The following GRIK1 variants were observed in gnomAD, a reference collection of about 807,000 sequenced individuals.
GRIK1 encodes glutamate ionotropic receptor kainate type subunit 1.
GRIK1 carries 69 observed loss-of-function variants against 105.7 expected under a neutral mutation model. That is an observed-to-expected ratio of 0.65 (90% CI 0.54 to 0.80). The LOEUF is 0.80. Ranked by LOEUF, GRIK1 falls within the 30% of genes least tolerant of loss-of-function variation. The pLI, the probability that GRIK1 is intolerant of heterozygous loss-of-function variation, is 0.00. For synonymous variants in GRIK1, 438 were observed against 431.3 expected (o/e 1.02, Z -0.19); for missense variants, 1,109 against 1,167.3 (o/e 0.95, Z 0.73).
intron 1 of GRIK1, among the ~76,000 whole-genome samples, chr21:29,757,861 A>AC (rs1873431694): frequency 6.6e-6 from 1 of 152,268 alleles, no homozygotes; most frequent in Non-Finnish European, 1.5e-5. Flanking sequence ...GTGTGTCCAG[A>AC]CATTTCCATA....
At chr21:29,895,331 G>T (rs185134954) in intron 1 of GRIK1, among the ~76,000 whole-genome samples, 1 of 152,286 alleles carries the variant, frequency 6.6e-6, no homozygotes, top group Admixed American at 6.5e-5. Context: ...TGTCTAGGAG[G>T]CATGTGGATA....
intron 14 of GRIK1, among the ~76,000 whole-genome samples, chr21:29,572,645 T>G (rs185970093): frequency 2.0e-5 from 3 of 152,260 alleles, no homozygotes; most frequent in African/African-American, 7.2e-5. Flanking sequence ...ACTCTCTGAA[T>G]TTTGCTGAAT....
At chr21:29,835,306 T>C (rs1170911222) in intron 1 of GRIK1, among the ~76,000 whole-genome samples, 2 of 152,190 alleles carry the variant, frequency 1.3e-5, no homozygotes, top group African/African-American at 4.8e-5. Context: ...CTAGATCCTC[T>C]GCCTGGGGCA....
At chr21:29,894,162 T>C (rs972570671) in intron 1 of GRIK1, among the ~76,000 whole-genome samples, 9 of 152,054 alleles carry the variant, frequency 5.9e-5, no homozygotes, top group African/African-American at 1.9e-4. Flanking sequence ...ATTGGATATA[T>C]GTATATATGA....
At chr21:29,659,769 T>A (rs1204312486) in intron 4 of GRIK1, among the ~76,000 whole-genome samples, 1 of 152,144 alleles carries the variant, frequency 6.6e-6, no homozygotes, top group Non-Finnish European at 1.5e-5. Context: ...AAGATCAGCC[T>A]GACCAACAAG....
intron 1 of GRIK1, among the ~76,000 whole-genome samples, chr21:29,780,237 T>C (rs974281480): frequency 2.0e-5 from 3 of 152,192 alleles, no homozygotes; most frequent in African/African-American, 7.2e-5. Context: ...TGGGGACTAT[T>C]ATTTTGAACC....
chr21:29,898,110 G>T (rs2070241786), intron 1 of GRIK1, among the ~76,000 whole-genome samples: 1 of 152,068 alleles, frequency 6.6e-6, no homozygotes, highest in Non-Finnish European at 1.5e-5. Context: ...ATCTGTTCTT[G>T]GGTGAATATC....
chr21:29,847,899 T>TC (rs1491325071), intron 1 of GRIK1, among the ~76,000 whole-genome samples: 1,906 of 146,280 alleles, frequency 0.013, 40 homozygotes, highest in African/African-American at 0.04. Context: ...TGTTTCTCTC[T>TC]TTCTCTCTCT....
At chr21:29,616,324 T>A (rs2061850696) in intron 7 of GRIK1, among the ~76,000 whole-genome samples, 3 of 152,304 alleles carry the variant, frequency 2.0e-5, no homozygotes, top group Middle Eastern at 6.8e-3. Context: ...TTAAAAAAAA[T>A]AGTAATGTAC....
chr21:29,899,161 A>G (rs2070293317), intron 1 of GRIK1, among the ~76,000 whole-genome samples: 1 of 152,242 alleles, frequency 6.6e-6, no homozygotes, highest in Non-Finnish European at 1.5e-5. Flanking sequence ...TATTGCTCAA[A>G]GTGTCCTGAA....
rs140989294 is a variant in GRIK1 at position 29,642,948 on chromosome 21, C to T, written c.976G>A (p.Asp326Asn). The change falls in exon 7 of 18, where the codon GAT becomes AAT. Residue 326 changes from aspartate (D) to asparagine (N), a missense_variant. Asp to Asn is a conservative substitution (Grantham distance 23). Around this residue, in one of 5 missense-constraint regions of GRIK1, gnomAD observed 612 missense variants for 586.0 expected, o/e 1.04. Coordinates refer to ENST00000327783, the MANE Select transcript of GRIK1 (RefSeq NM_001330994.2). ...GCAATGGCCACCATGTACACAGCAT[C>T]GTACATCAGAGCCGCTTCAGTCTGT... ...MMTTEAALMY[D>N]AVYMVAIASH... is the part of the protein sequence containing the mutation. The T allele has an allele frequency of 4.3e-6, 7 of 1,613,726 alleles. No individual in the cohort carries two copies. Among genetic ancestry groups the T allele is most frequent in the Admixed American group, 3.3e-5 (2 of 59,982 alleles).
chr21:29,692,388 A>T (rs745552153), intron 2 of GRIK1, among the ~76,000 whole-genome samples: 3 of 152,170 alleles, frequency 2.0e-5, no homozygotes, highest in Non-Finnish European at 4.4e-5. Context: ...ATCTATCTCT[A>T]CATTATAGAG....
At chr21:29,902,325 C>T (rs944287940) in intron 1 of GRIK1, among the ~76,000 whole-genome samples, 14 of 152,158 alleles carry the variant, frequency 9.2e-5, no homozygotes, top group East Asian at 3.9e-4. Context: ...AGCAATAAAG[C>T]GTATTCAAAC....
intron 12 of GRIK1, chr21:29,582,166 G>T (rs1203521611): frequency 6.7e-6 from 2 of 298,060 alleles, no homozygotes; most frequent in Non-Finnish European, 1.4e-5. Context: ...GAAAAATCAT[G>T]ATCCTAAAGG....
At chr21:29,912,823 A>G (rs1265005405) in intron 1 of GRIK1, among the ~76,000 whole-genome samples, 1 of 152,058 alleles carries the variant, frequency 6.6e-6, no homozygotes, top group East Asian at 1.9e-4. Context: ...TGAAGAGTTC[A>G]TTCCCGAAGG....
intron 1 of GRIK1, among the ~76,000 whole-genome samples, chr21:29,920,502 T>G: frequency 6.6e-6 from 1 of 152,122 alleles, no homozygotes; most frequent in East Asian, 1.9e-4. Flanking sequence ...TTGACTTTCT[T>G]TAACCTTGTC....
chr21:29,923,680 G>T (rs371710915), intron 1 of GRIK1, among the ~76,000 whole-genome samples: 1 of 152,174 alleles, frequency 6.6e-6, no homozygotes, highest in South Asian at 2.1e-4. Flanking sequence ...TTAAGCCCAT[G>T]GTAGTACTCT....
chr21:29,715,030 G>T (rs2064145341), intron 1 of GRIK1, among the ~76,000 whole-genome samples: 1 of 152,156 alleles, frequency 6.6e-6, no homozygotes, highest in South Asian at 2.1e-4. Context: ...GTGAATTGTA[G>T]CATGATATTG....
chr21:29,565,437 T>C (rs1449314978), intron 14 of GRIK1, among the ~76,000 whole-genome samples: 5 of 152,208 alleles, frequency 3.3e-5, no homozygotes, highest in African/African-American at 7.2e-5. Flanking sequence ...GTGAGCTTTC[T>C]TTTTTATTTT....
Sources: allele counts gnomAD v4.1 joint callset (sites outside exome capture counted in the v4.1 genomes callset), GRCh38; gene constraint gnomAD v4.1.1; regional missense constraint gnomAD v4.1.1; transcripts MANE v1.5; gene names NCBI Gene and HGNC (gene_info 2026-07-23, HGNC 2026-07-21).